STX8: variants seen among roughly 807,000 people sequenced by gnomAD.
STX8 encodes the protein syntaxin 8, also known as syntaxin-8.
In STX8, 23 loss-of-function variants were observed where a neutral mutation model predicts 37.5. The ratio of observed to expected loss-of-function variants is 0.61; its 90% CI spans 0.44 to 0.87. The LOEUF (loss-of-function observed/expected upper bound fraction) is 0.87. Among genes scored for constraint, STX8 ranks in the 40% least tolerant of loss-of-function variants. The pLI, the probability that STX8 is intolerant of heterozygous loss-of-function variation, is 0.00. For synonymous variants in STX8, 115 were observed against 99.1 expected, an observed-to-expected ratio of 1.16 and a Z score of -0.95; for missense variants, 313 against 284.7, an observed-to-expected ratio of 1.10 and a Z score of -0.71.
intron 5 of STX8, among the ~76,000 whole-genome samples, chr17:9,496,821 A>C (rs1421023684): frequency 7.2e-5 from 11 of 152,174 alleles, no homozygotes; most frequent in Non-Finnish European, 2.9e-5. Context: ...AAGACGAAAG[A>C]AGAGATGTGG....
intron 4 of STX8, among the ~76,000 whole-genome samples, chr17:9,514,113 C>T (rs774960363): frequency 6.6e-6 from 1 of 152,084 alleles, no homozygotes; most frequent in Non-Finnish European, 1.5e-5. Flanking sequence ...GTTCTATTCA[C>T]CACTGTAGGA....
At chr17:9,534,557 G>C (rs1216147928) in intron 4 of STX8, among the ~76,000 whole-genome samples, 1 of 152,142 alleles carries the variant, frequency 6.6e-6, no homozygotes, top group Non-Finnish European at 1.5e-5. Flanking sequence ...TTGGGAGGCC[G>C]AGCTAGGCGG....
intron 5 of STX8, among the ~76,000 whole-genome samples, chr17:9,495,420 C>T (rs547390987): frequency 2.0e-5 from 3 of 151,832 alleles, no homozygotes; most frequent in Non-Finnish European, 4.4e-5. Context: ...TGAGTGTCAA[C>T]GTGGATTAAA....
chr17:9,278,824 T>C (rs538023357), intron 7 of STX8, among the ~76,000 whole-genome samples: 1 of 151,924 alleles, frequency 6.6e-6, no homozygotes, highest in East Asian at 1.9e-4. Context: ...ACCGTGAGTA[T>C]GGGAGCTTCT....
At chr17:9,533,280 C>T (rs998212627) in intron 4 of STX8, among the ~76,000 whole-genome samples, 6 of 152,022 alleles carry the variant, frequency 3.9e-5, no homozygotes, top group African/African-American at 1.4e-4. Context: ...CCAGCCTGGC[C>T]AACATGGTCA....
chr17:9,545,412 C>T (rs560380606), intron 3 of STX8, 130 bp from the exon 4 acceptor site: 7 of 652,136 alleles, frequency 1.1e-5, no homozygotes, highest in Non-Finnish European at 1.9e-5. Flanking sequence ...AAGGGATGCG[C>T]ACCACTCTTG....
At chr17:9,484,767 C>T (rs1030428686) in intron 6 of STX8, among the ~76,000 whole-genome samples, 9 of 152,052 alleles carry the variant, frequency 5.9e-5, no homozygotes, top group African/African-American at 1.9e-4. Flanking sequence ...GTGGAGGTTG[C>T]CATGAGGCGA....
intron 7 of STX8, among the ~76,000 whole-genome samples, chr17:9,334,630 A>G (rs925774051): frequency 1.3e-5 from 2 of 152,168 alleles, no homozygotes; most frequent in Non-Finnish European, 2.9e-5. Context: ...AAGGAATAAA[A>G]AAGACAATAC....
At chr17:9,465,824 A>C (rs1332070665) in intron 6 of STX8, among the ~76,000 whole-genome samples, 1 of 152,136 alleles carries the variant, frequency 6.6e-6, no homozygotes, top group Non-Finnish European at 1.5e-5. Flanking sequence ...CACAAACTGT[A>C]AGGTAGGTAC....
chr17:9,283,477 T>C (rs1374155820), intron 7 of STX8, among the ~76,000 whole-genome samples: 1 of 152,092 alleles, frequency 6.6e-6, no homozygotes, highest in Non-Finnish European at 1.5e-5. Flanking sequence ...GAGGCAGAGG[T>C]TGCAGTGAGC....
At chr17:9,301,127 T>C (rs2142177458) in intron 7 of STX8, among the ~76,000 whole-genome samples, 1 of 152,230 alleles carries the variant, frequency 6.6e-6, no homozygotes, top group African/African-American at 2.4e-5. Context: ...CCACCACTCC[T>C]GGCCCCTTAT....
chr17:9,441,022 T>C (rs1904630504), intron 6 of STX8, among the ~76,000 whole-genome samples: 1 of 152,164 alleles, frequency 6.6e-6, no homozygotes, highest in African/African-American at 2.4e-5. Flanking sequence ...TGCCTCATCC[T>C]TTCTCACATG....
At chr17:9,372,809 A>G (rs2142275264) in intron 7 of STX8, among the ~76,000 whole-genome samples, 1 of 145,050 alleles carries the variant, frequency 6.9e-6, no homozygotes, top group East Asian at 2.1e-4. Flanking sequence ...TTTAAGGAAA[A>G]TACTGAAAAG....
At chr17:9,327,286 AAAGAAGAAGAAGAAAGAAAG>A (rs1302029719) in intron 7 of STX8, among the ~76,000 whole-genome samples, 5 of 148,562 alleles carry the variant, frequency 3.4e-5, no homozygotes, top group African/African-American at 1.3e-4. Context: ...AAGAAGGAAG[AAAGAAGAAGAAGAAAGAAAG>A]AAGAAGAAGG....
intron 6 of STX8, among the ~76,000 whole-genome samples, chr17:9,387,321 T>C (rs950103181): frequency 1.3e-5 from 2 of 150,614 alleles, no homozygotes; most frequent in Non-Finnish European, 3.0e-5. Context: ...TGAGAGGGAG[T>C]CTTGCGCTCT....
At chr17:9,364,503 T>G (rs1388202808) in intron 7 of STX8, among the ~76,000 whole-genome samples, 1 of 152,062 alleles carries the variant, frequency 6.6e-6, no homozygotes, top group Non-Finnish European at 1.5e-5. Context: ...GATAGCTAGG[T>G]AGATATTTGC....
chr17:9,312,928 G>A (rs1277979398), intron 7 of STX8, among the ~76,000 whole-genome samples: 1 of 151,792 alleles, frequency 6.6e-6, no homozygotes, highest in Admixed American at 6.6e-5. Flanking sequence ...TGGTGGCTCA[G>A]GCCTGTAATC....
At chr17:9,500,536 A>G (rs1312717643) in intron 5 of STX8, among the ~76,000 whole-genome samples, 1 of 152,192 alleles carries the variant, frequency 6.6e-6, no homozygotes, top group African/African-American at 2.4e-5. Context: ...AGGACTGCAG[A>G]GAGTACTCTG....
chr17:9,443,161 T>A lies in STX8; in HGVS notation c.541+48668A>T, dbSNP rs573954344. 9.8e-5 allele frequency among the ~76,000 whole-genome samples: 15 copies of A among 152,300 alleles called. No individual in the cohort carries two copies. The East Asian group carries it at 2.7e-3, about 27-fold the overall frequency. On this transcript the variant is annotated intron_variant, in intron 6 of 7. Transcript: ENST00000306357. ...TAATGTGTCCTCCTTGCAGGTTACC[T>A]TCAAACACAGGCTTGGGAATGTGGA...
Sources: gnomAD v4.1 joint callset for allele counts (sites outside exome capture counted in the v4.1 genomes callset) on GRCh38, gnomAD v4.1.1 for gene constraint, MANE v1.5 for transcripts, NCBI Gene and HGNC (gene_info 2026-07-23, HGNC 2026-07-21) for gene names.